AKAP13: variants seen among roughly 807,000 people sequenced by gnomAD.
AKAP13 encodes A-kinase anchoring protein 13.
In AKAP13, 80 loss-of-function variants were observed where a neutral mutation model predicts 264.5. The ratio of observed to expected loss-of-function variants is 0.30; its 90% confidence interval spans 0.25 to 0.36. AKAP13 has a LOEUF of 0.36. Among genes scored for constraint, AKAP13 ranks in the 10% least tolerant of loss-of-function variants. The pLI is 1.00. For missense variants in AKAP13, 3,712 were observed against 3,435.2 expected (o/e 1.08, Z -2.01); for synonymous variants, 1,380 against 1,250.2 (o/e 1.10, Z -2.19).
Position 85,579,232 on chromosome 15 carries a change from T to C in AKAP13, c.1164T>C (p.Ile388=), listed in dbSNP as rs773896630. The C allele has an allele frequency of 1.9e-6, 3 of 1,614,202 alleles. No individual in the cohort carries two copies. Among genetic ancestry groups the C allele is most frequent in the Non-Finnish European group, 2.5e-6 (3 of 1,180,022 alleles). ...RKGEEVEPAP[I]VDSGTVSDQD... ...GGGAAGAGGTGGAGCCAGCACCTATTGTGGACTCTGGAACTGTATCTGATC... is the reference window on the plus strand; with the variant it reads ...GGGAAGAGGTGGAGCCAGCACCTATCGTGGACTCTGGAACTGTATCTGATC... The change falls in exon 7 of 37, where the codon ATT becomes ATC. Residue 388 remains isoleucine (I), a synonymous_variant. Transcript: ENST00000394518.
chr15:85,647,132 C>T (rs1455198918), intron 10 of AKAP13, among the ~76,000 whole-genome samples: 1 of 152,168 alleles, frequency 6.6e-6, no homozygotes, highest in Non-Finnish European at 1.5e-5. Context: ...GGTGTGGTGG[C>T]TCATGCATGT....
At chr15:85,628,216 T>TAA (rs1354617528) in intron 8 of AKAP13, among the ~76,000 whole-genome samples, 1 of 152,234 alleles carries the variant, frequency 6.6e-6, no homozygotes, top group Non-Finnish European at 1.5e-5. Context: ...GTTAAAATTA[T>TAA]ACTTATAAAC....
At chr15:85,563,875 A>G (rs1195301893) in intron 5 of AKAP13, among the ~76,000 whole-genome samples, 1 of 152,242 alleles carries the variant, frequency 6.6e-6, no homozygotes, top group Non-Finnish European at 1.5e-5. Flanking sequence ...CATTTTTTAT[A>G]GGTCAAGATG....
intron 1 of AKAP13, among the ~76,000 whole-genome samples, chr15:85,474,824 TCAAGA>T (rs897985947): frequency 1.7e-4 from 26 of 152,332 alleles, no homozygotes; most frequent in African/African-American, 6.3e-4. Context: ...ATATTTATTC[TCAAGA>T]CAAGAACCAG....
In AKAP13 at chr15:85,724,032, T is replaced by TG. The variant is rs2087457487; in HGVS notation, c.6745+713dup. Among the ~76,000 whole-genome samples the TG allele has an allele frequency of 6.6e-6, 1 of 152,200 alleles. No individual in the cohort carries two copies. The highest frequency in any genetic ancestry group is 1.5e-5 in the Non-Finnish European group (1 of 68,044). Reference sequence around the variant, plus strand: ...CAAACCTATACTCCATGGGCCTATATGTTACACCAATAGCCTTGAATTATA... The same window carrying TG: ...CAAACCTATACTCCATGGGCCTATATGGTTACACCAATAGCCTTGAATTATA... On this transcript the variant is annotated intron_variant, in intron 26 of 36. Transcript: ENST00000394518. The surrounding 1 kb of genome is among the most constrained non-coding windows in gnomAD (Gnocchi z 4.2).
At chr15:85,510,258 T>G (rs1269231128) in intron 2 of AKAP13, among the ~76,000 whole-genome samples, 2 of 152,216 alleles carry the variant, frequency 1.3e-5, no homozygotes, top group African/African-American at 2.4e-5. Context: ...TGTCTTGAGC[T>G]TTGAGCAGCA....
Position 85,582,054 on chromosome 15 carries a change from G to C in AKAP13, c.3986G>C (p.Arg1329Thr). The C allele has an allele frequency of 6.2e-7, 1 of 1,613,748 alleles. No individual in the cohort carries two copies. Among genetic ancestry groups the C allele is most frequent in the Non-Finnish European group, 8.5e-7 (1 of 1,179,874 alleles). ...AGCCTTGCAGGATGTTTTGCTGGAA[G>C]GGAGGAGCCAGAGAAGATCATTTTA... ...TGSLAGCFAG[R>T]EEPEKIILPV... The change falls in exon 7 of 37, where the codon AGG becomes ACG. Residue 1329 changes from arginine to threonine, a missense_variant. Physicochemically the swap from Arg to Thr is moderately conservative, Grantham distance 71 (BLOSUM62 -1). Transcript: ENST00000394518.
At chr15:85,728,843 TA>T (rs1056539072) in intron 29 of AKAP13, among the ~76,000 whole-genome samples, 27 of 149,726 alleles carry the variant, frequency 1.8e-4, no homozygotes, top group African/African-American at 4.6e-4. Context: ...CTCATGTAAT[TA>T]AAAAAAAAAA....
intron 16 of AKAP13, among the ~76,000 whole-genome samples, chr15:85,688,476 C>T (rs2085072425): frequency 6.6e-6 from 1 of 152,136 alleles, no homozygotes; most frequent in South Asian, 2.1e-4. Context: ...TAAAATGCCA[C>T]CTGTAACTCT....
Position 85,580,151 on chromosome 15 carries a change from G to A in AKAP13, c.2083G>A (p.Ala695Thr), listed in dbSNP as rs772738670. Residue 695 changes from alanine to threonine, a missense_variant, in exon 7 of 37, where the codon GCA (alanine) becomes ACA (threonine). Coordinates refer to ENST00000394518, the MANE Select transcript of AKAP13 (RefSeq NM_007200.5). ...AGTTAGCGAGTCCGAAAGCACCACA[G>A]CAAGGCAACCCAGCTCACAAGATCC... Reference protein sequence around the residue: ...NIVSESESTTARQPSSQDPPD... With the variant: ...NIVSESESTTTRQPSSQDPPD... The A allele has an allele frequency of 1.2e-6, 2 of 1,614,198 alleles. No homozygotes were observed. The highest frequency in any genetic ancestry group is 1.3e-5 in the African/African-American group (1 of 75,050).
At chr15:85,488,413 T>G (rs1185532620) in intron 2 of AKAP13, among the ~76,000 whole-genome samples, 3 of 152,240 alleles carry the variant, frequency 2.0e-5, no homozygotes, top group African/African-American at 7.2e-5. Context: ...TTTTGAGTAT[T>G]AAAGGTTTTT....
In AKAP13 at chr15:85,540,336, C is replaced by A. The variant is rs552513153; in HGVS notation, c.479-3436C>A. ...CTTCCAGTTGATGCAGTGGGATTAT[C>A]CTGCCCACATAATCCAGGATAACCT... On this transcript the variant is annotated intron_variant, in intron 4 of 36. Coordinates refer to ENST00000394518, the MANE Select transcript of AKAP13 (RefSeq NM_007200.5). Among the ~76,000 whole-genome samples, 3 of 152,294 alleles carry A rather than the reference C, an allele frequency of 2.0e-5. No individual in the cohort carries two copies. In the South Asian group the frequency reaches 6.2e-4, roughly 32 times the overall value.
At chr15:85,694,320 A>G (rs188924107) in intron 17 of AKAP13, among the ~76,000 whole-genome samples, 2 of 152,350 alleles carry the variant, frequency 1.3e-5, no homozygotes, top group East Asian at 3.9e-4. Context: ...GGAGTTGCTT[A>G]ACTTTTTCTG....
At chr15:85,437,400 A>C (rs1434388638) in intron 1 of AKAP13, among the ~76,000 whole-genome samples, 1 of 152,218 alleles carries the variant, frequency 6.6e-6, no homozygotes, top group Non-Finnish European at 1.5e-5. Context: ...CACAAGGAGG[A>C]ACTGGTACCA....
intron 8 of AKAP13, among the ~76,000 whole-genome samples, chr15:85,596,990 G>GA (rs2151349088): frequency 1.3e-5 from 2 of 152,268 alleles, no homozygotes; most frequent in South Asian, 4.1e-4. Flanking sequence ...TTATTGCTTG[G>GA]AATCCCCTTG....
At chr15:85,486,389 C>G (rs957249185) in intron 2 of AKAP13, among the ~76,000 whole-genome samples, 1 of 151,988 alleles carries the variant, frequency 6.6e-6, no homozygotes, top group Non-Finnish European at 1.5e-5. Context: ...TTAGTTAGCT[C>G]TTACATTTAG....
chr15:85,538,415 T>C (rs1056896741), intron 4 of AKAP13, among the ~76,000 whole-genome samples: 15 of 152,166 alleles, frequency 9.9e-5, no homozygotes, highest in Non-Finnish European at 2.1e-4. Context: ...CTGATATTGG[T>C]TAATAGGTCG....
In AKAP13 at chr15:85,580,635, T is replaced by C. The variant is rs2079129621; in HGVS notation, c.2567T>C (p.Leu856Pro). 3.7e-6 allele frequency: 6 copies of C among 1,614,070 alleles called. No homozygotes were observed. The highest frequency in any genetic ancestry group is 5.1e-6 in the Non-Finnish European group (6 of 1,180,044). ...GLSTSSTAAE[L>P]QHGMGNTSLT... ...TCCACATCCTCCACTGCTGCAGAGCTTCAGCACGGGATGGGGAATACCAGT... is the reference window on the plus strand; with the variant it reads ...TCCACATCCTCCACTGCTGCAGAGCCTCAGCACGGGATGGGGAATACCAGT... The change falls in exon 7 of 37, where the codon CTT becomes CCT. Residue 856 changes from leucine to proline, a missense_variant. Around this residue, in one of 3 missense-constraint regions of AKAP13, gnomAD observed 2,759 missense variants for 2,411.7 expected, o/e 1.14. Coordinates refer to ENST00000394518, the MANE Select transcript of AKAP13 (RefSeq NM_007200.5).
chr15:85,555,704 G>T (rs775069172), intron 5 of AKAP13, among the ~76,000 whole-genome samples: 2 of 152,118 alleles, frequency 1.3e-5, no homozygotes, highest in Admixed American at 6.5e-5. Flanking sequence ...TTGTTTTCTT[G>T]CGCATGCTAG....
Sources: allele counts gnomAD v4.1 joint callset (sites outside exome capture counted in the v4.1 genomes callset), GRCh38; gene constraint gnomAD v4.1.1; regional missense constraint gnomAD v4.1.1; non-coding constraint Gnocchi (gnomAD v3.1); transcripts MANE v1.5; gene names NCBI Gene and HGNC (gene_info 2026-07-23, HGNC 2026-07-21).